The following KAZN variants were observed in gnomAD, a reference collection of about 807,000 sequenced individuals.
The protein encoded by KAZN is kazrin.
A neutral mutation model predicts 87.4 loss-of-function variants in KAZN; 40 were observed. The ratio of observed to expected loss-of-function variants is 0.46; its 90% confidence interval spans 0.36 to 0.60. The LOEUF is 0.60. KAZN is among the 20% of genes least tolerant of loss of function. The pLI, the probability that KAZN is intolerant of heterozygous loss-of-function variation, is 0.00. For missense variants in KAZN, 898 were observed against 1,073.9 expected (o/e 0.84, Z 2.29); for synonymous variants, 466 against 458.3 (o/e 1.02, Z -0.22).
At chr1:14,664,624 G>A (rs1639402572) in intron 1 of KAZN, among the ~76,000 whole-genome samples, 3 of 151,776 alleles carry the variant, frequency 2.0e-5, no homozygotes, top group Admixed American at 2.0e-4. Context: ...TCCACTGGCA[G>A]TGGGGCCCAG....
At chr1:14,936,600 C>T (rs1424432597) in intron 1 of KAZN, among the ~76,000 whole-genome samples, 4 of 152,110 alleles carry the variant, frequency 2.6e-5, no homozygotes, top group African/African-American at 7.2e-5. Context: ...CTACCTGCTC[C>T]GCCCCCTTTT....
At chr1:14,673,595 A>G (rs574749554) in intron 1 of KAZN, among the ~76,000 whole-genome samples, 2 of 152,184 alleles carry the variant, frequency 1.3e-5, no homozygotes, top group South Asian at 4.2e-4. Flanking sequence ...GAGAAGGAAG[A>G]CGTGTTGTTG....
At chr1:14,033,399 G>A (rs981653935) in intron 1 of KAZN, among the ~76,000 whole-genome samples, 1 of 152,168 alleles carries the variant, frequency 6.6e-6, no homozygotes, top group Non-Finnish European at 1.5e-5. Flanking sequence ...ATGGCATGGG[G>A]GCTGCTGAGG....
chr1:14,824,306 G>A (rs1646820856), intron 1 of KAZN, among the ~76,000 whole-genome samples: 1 of 152,154 alleles, frequency 6.6e-6, no homozygotes, highest in African/African-American at 2.4e-5. Flanking sequence ...GAGGAAGAGT[G>A]AACCAGCAGG....
intron 1 of KAZN, among the ~76,000 whole-genome samples, chr1:14,050,212 G>C (rs1228937979): frequency 6.6e-6 from 1 of 151,776 alleles, no homozygotes; most frequent in Non-Finnish European, 1.5e-5. Flanking sequence ...ACATGTGTGG[G>C]CATGCATGTG....
chr1:14,206,778 T>C lies in KAZN; in HGVS notation c.249+26186T>C, dbSNP rs78881170. 2.4e-3 allele frequency among the ~76,000 whole-genome samples: 361 copies of C among 151,254 alleles called. 2 individuals carry two copies. Among genetic ancestry groups the C allele is most frequent in the African/African-American group, 8.4e-3 (347 of 41,256 alleles). On this transcript the variant is annotated intron_variant, in intron 2 of 16. Coordinates refer to the KAZN transcript ENST00000636203. ...CCCATGCCATTAAACATTCTTCAAA[T>C]TGAGTTGTTGATAGCTGTATAATAT... is the stretch of plus-strand genomic sequence containing the variant.
rs1463127825 is a variant in KAZN, at chr1:14,339,574, GA to G, written c.249+158989del. On this transcript the variant is annotated intron_variant, in intron 2 of 16. Transcript: ENST00000636203. ...CGTTTCTGTTCGAGCTCAAAAGCAG[GA>G]AAAAAACTGATATTCGAGCTCAAAG... Among the ~76,000 whole-genome samples the G allele has an allele frequency of 2.6e-5, 4 of 152,208 alleles. No homozygotes were observed. In the East Asian group the frequency reaches 5.8e-4, roughly 22 times the overall value.
rs569324828 is a variant in KAZN, at chr1:13,963,957, C to T, written c.91+70201C>T. Among the ~76,000 whole-genome samples, 8 of 152,262 alleles carry T rather than the reference C, an allele frequency of 5.3e-5. No homozygotes were observed. In the South Asian group the frequency reaches 6.2e-4, roughly 12 times the overall value. On this transcript the variant is annotated intron_variant, in intron 1 of 16. Transcript: ENST00000636203. ...AGTCTTAGCTGTGTCATCAGTAAAA[C>T]GGGATAAGAGTATCTACCTCCTAAT...
At chr1:14,906,180 A>T (rs1572789889) in intron 1 of KAZN, among the ~76,000 whole-genome samples, 2 of 7,320 alleles carry the variant, frequency 2.7e-4, no homozygotes, top group African/African-American at 1.9e-4. Flanking sequence ...AATATATTAT[A>T]ATAATAATAA....
In KAZN at chr1:14,369,593, C is replaced by T. The variant is rs149840318; in HGVS notation, c.249+189001C>T. Among the ~76,000 whole-genome samples, 38 of 152,270 alleles carry T rather than the reference C, an allele frequency of 2.5e-4. No individual in the cohort carries two copies. In the East Asian group the frequency reaches 6.4e-3, roughly 26 times the overall value. On this transcript the variant is annotated intron_variant, in intron 2 of 16. Transcript: ENST00000636203. ...GACGGGACCTTGTCTCCTGCAAGGC[C>T]ATGATGGGTTGCGAATGATGAATTG...
Position 14,631,663 on chromosome 1 carries a change from C to T in KAZN, c.226+32440C>T, listed in dbSNP as rs377408334. On this transcript the variant is annotated intron_variant, in intron 1 of 14. Transcript: ENST00000376030. ...CTAGATTATGCACGTTGCAGCTTCT[C>T]GCATCACACTGCATGCTGGAGAGAG... Among the ~76,000 whole-genome samples the T allele has an allele frequency of 1.2e-4, 18 of 152,340 alleles. No homozygotes were observed. The East Asian group carries it at 2.1e-3, about 18-fold the overall frequency.
intron 1 of KAZN, among the ~76,000 whole-genome samples, chr1:14,883,355 A>AAAAGAAAGAAAGAAAGAAAAAG (rs1653625046): frequency 9.7e-5 from 2 of 20,620 alleles, no homozygotes; most frequent in African/African-American, 3.0e-4. Context: ...AGAAAGAAAG[A>AAAAGAAAGAAAGAAAGAAAAAG]AAAGAAAGAA....
At chr1:14,362,515 G>C in intron 2 of KAZN, among the ~76,000 whole-genome samples, 1 of 152,214 alleles carries the variant, frequency 6.6e-6, no homozygotes, top group African/African-American at 2.4e-5. Flanking sequence ...CTCAAAGGCA[G>C]GGGATCAGAC....
rs920517515 is a variant in KAZN at position 14,749,986 on chromosome 1, C to A, written c.226+150763C>A. On this transcript the variant is annotated intron_variant, in intron 1 of 14. Transcript: ENST00000376030. ...CAAATCTATACATGGGGTAAAATGA[C>A]ATAGAACAAAGACATACCCATGACC... Among the ~76,000 whole-genome samples the A allele has an allele frequency of 3.9e-5, 6 of 152,044 alleles. No individual in the cohort carries two copies. The South Asian group carries it at 1.3e-3, about 32-fold the overall frequency.
At chr1:14,318,791 G>A (rs1179061234) in intron 2 of KAZN, among the ~76,000 whole-genome samples, 2 of 151,856 alleles carry the variant, frequency 1.3e-5, no homozygotes, top group African/African-American at 4.8e-5. Flanking sequence ...TTACTCTTCA[G>A]TATTTAATTT....
intron 8 of KAZN, chr1:15,067,014 C>G: frequency 1.0e-6 from 1 of 985,602 alleles, no homozygotes; most frequent in Non-Finnish European, 1.2e-6. Flanking sequence ...CAGGGCAAGA[C>G]AGCCTGCCAC....
chr1:14,174,588 G>C (rs2100279064), intron 1 of KAZN, among the ~76,000 whole-genome samples: 2 of 152,318 alleles, frequency 1.3e-5, no homozygotes, highest in South Asian at 4.1e-4. Context: ...TGGTGGGCTT[G>C]TGAGCTAGCA....
chr1:14,719,480 G>A (rs1221239101), intron 1 of KAZN, among the ~76,000 whole-genome samples: 1 of 152,212 alleles, frequency 6.6e-6, no homozygotes, highest in African/African-American at 2.4e-5. Context: ...AAAGAAGATG[G>A]GAGGGAGTGT....
At chr1:14,938,403 G>A (rs960793472) in intron 1 of KAZN, among the ~76,000 whole-genome samples, 2 of 152,110 alleles carry the variant, frequency 1.3e-5, no homozygotes, top group South Asian at 2.1e-4. Context: ...TTAGCCAGGC[G>A]TGGTGGTGGA....
Sources: gnomAD v4.1 joint callset for allele counts (sites outside exome capture counted in the v4.1 genomes callset) on GRCh38, gnomAD v4.1.1 for gene constraint, MANE v1.5 for transcripts, NCBI Gene and HGNC (gene_info 2026-07-23, HGNC 2026-07-21) for gene names.